IL1RAPL1: variants seen among roughly 807,000 people sequenced by gnomAD.
IL1RAPL1 encodes the protein interleukin-1 receptor accessory protein-like 1.
IL1RAPL1 carries 3 observed loss-of-function variants against 48.4 expected under a neutral mutation model. The ratio of observed to expected loss-of-function variants is 0.06; its 90% CI spans 0.03 to 0.16. IL1RAPL1 has a LOEUF of 0.16. Among genes scored for constraint, IL1RAPL1 ranks in the 10% least tolerant of loss-of-function variants. The pLI is 1.00. For missense variants in IL1RAPL1, 349 were observed against 530.6 expected (o/e 0.66, Z 3.36); for synonymous variants, 185 against 187.7 (o/e 0.99, Z 0.12).
chrX:28,902,902 G>T (rs868280675), intron 2 of IL1RAPL1, among the ~76,000 whole-genome samples: 1 of 110,941 alleles, frequency 9.0e-6, no homozygotes, highest in Non-Finnish European at 1.9e-5. Flanking sequence ...GATTTAGGTT[G>T]TGTGCTTCTT....
intron 3 of IL1RAPL1, among the ~76,000 whole-genome samples, chrX:29,342,158 G>T (rs866959558): frequency 1.0e-5 from 1 of 98,650 alleles, no homozygotes; most frequent in African/African-American, 3.7e-5. Flanking sequence ...GTGTGTGTTT[G>T]TTTTGTTTTG....
intron 2 of IL1RAPL1, among the ~76,000 whole-genome samples, chrX:28,903,690 A>G (rs1048402173): frequency 9.0e-6 from 1 of 110,881 alleles, no homozygotes; most frequent in Non-Finnish European, 1.9e-5. Flanking sequence ...GATATAATAG[A>G]TTATGTTATC....
chrX:29,013,190 T>TA (rs1164539446), intron 2 of IL1RAPL1, among the ~76,000 whole-genome samples: 1 of 65,921 alleles, frequency 1.5e-5, no homozygotes, highest in African/African-American at 7.0e-5. Flanking sequence ...TGGCTATTAT[T>TA]AAAAAGTTAA....
chrX:28,841,041 C>T (rs1921357431), intron 2 of IL1RAPL1, among the ~76,000 whole-genome samples: 1 of 110,659 alleles, frequency 9.0e-6, no homozygotes, highest in Non-Finnish European at 1.9e-5. Flanking sequence ...ATATTTTTTT[C>T]AATATAATAT....
intron 6 of IL1RAPL1, among the ~76,000 whole-genome samples, chrX:29,837,272 A>AAAT (rs1447926305): frequency 1.0e-3 from 75 of 72,090 alleles, no homozygotes; most frequent in East Asian, 2.4e-3. Flanking sequence ...AAAAAAAAAA[A>AAAT]ATATATATAT....
chrX:29,945,920 C>T (rs1351170221), intron 9 of IL1RAPL1, among the ~76,000 whole-genome samples: 1 of 111,095 alleles, frequency 9.0e-6, no homozygotes, highest in Admixed American at 9.6e-5. Flanking sequence ...TTTATTATCT[C>T]CCCTGCATTC....
intron 2 of IL1RAPL1, among the ~76,000 whole-genome samples, chrX:29,144,368 C>G (rs910617492): frequency 9.2e-6 from 1 of 109,271 alleles, no homozygotes. Context: ...TTTGGGAGGC[C>G]GAGGCAGGTG....
At chrX:29,597,012 T>G (rs1263841041) in intron 5 of IL1RAPL1, among the ~76,000 whole-genome samples, 1 of 111,998 alleles carries the variant, frequency 8.9e-6, no homozygotes, top group African/African-American at 3.2e-5. Context: ...TTTTTAATTC[T>G]GTTTATGTGT....
chrX:29,940,169 C>CT (rs1446997816), intron 8 of IL1RAPL1, among the ~76,000 whole-genome samples: 4 of 110,885 alleles, frequency 3.6e-5, no homozygotes, highest in Non-Finnish European at 5.7e-5. Context: ...AGTCTGAGGA[C>CT]TTTTTTTCCT....
At position 29,805,537 on chromosome X, in the gene IL1RAPL1, G is replaced by A. The variant is rs192622059; in HGVS notation, c.779-111927G>A. Among the ~76,000 whole-genome samples the A allele has an allele frequency of 2.0e-3, 220 of 110,967 alleles. 1 individual carries two copies. The highest frequency in any genetic ancestry group is 6.8e-3 in the African/African-American group (209 of 30,589). On this transcript the variant is annotated intron_variant, in intron 6 of 10. Transcript: ENST00000378993. Reference sequence around the variant, plus strand: ...GCCTGAATGAGTCTCTTACCATTGGGAAAACGATCTATATTTAAATTTTTC... The same window carrying A: ...GCCTGAATGAGTCTCTTACCATTGGAAAAACGATCTATATTTAAATTTTTC...
chrX:28,951,804 G>T (rs1288498168), intron 2 of IL1RAPL1, among the ~76,000 whole-genome samples: 1 of 111,723 alleles, frequency 9.0e-6, no homozygotes, highest in Non-Finnish European at 1.9e-5. Context: ...CAGGCTAGAT[G>T]GAAAAGGAAA....
intron 2 of IL1RAPL1, among the ~76,000 whole-genome samples, chrX:28,947,344 A>C (rs1487324857): frequency 1.8e-5 from 2 of 111,812 alleles, no homozygotes; most frequent in African/African-American, 6.5e-5. Flanking sequence ...CAAAGGATAT[A>C]CTGGTTTATT....
At chrX:29,286,845 G>A (rs1346504929) in intron 3 of IL1RAPL1, among the ~76,000 whole-genome samples, 1 of 111,476 alleles carries the variant, frequency 9.0e-6, no homozygotes, top group East Asian at 2.8e-4. Flanking sequence ...ATGGTAGCAT[G>A]CTAAGTTATT....
In IL1RAPL1 at chrX:28,676,003, T is replaced by C. The variant is rs138030838; in HGVS notation, c.-25+87956T>C. Among the ~76,000 whole-genome samples, 725 of 111,669 alleles carry C rather than the reference T, an allele frequency of 6.5e-3. 1 individual carries two copies. The highest frequency in any genetic ancestry group is 0.018 in the African/African-American group (557 of 30,722). On this transcript the variant is annotated intron_variant, in intron 1 of 10. Transcript: ENST00000378993. Reference sequence around the variant, plus strand: ...TATCTTCGTGTCATGTCTTACTACCTTTTGAATCATTGGTAATCATTGTTA... The same window carrying C: ...TATCTTCGTGTCATGTCTTACTACCCTTTGAATCATTGGTAATCATTGTTA...
chrX:29,814,978 T>G (rs1391389911), intron 6 of IL1RAPL1, among the ~76,000 whole-genome samples: 3 of 111,833 alleles, frequency 2.7e-5, no homozygotes, highest in African/African-American at 9.7e-5. Context: ...ATTTTTGTTA[T>G]TGTAGCCTTA....
Position 29,893,868 on chromosome X carries a change from T to C in IL1RAPL1, c.779-23596T>C, listed in dbSNP as rs6628481. On this transcript the variant is annotated intron_variant, in intron 6 of 10. Transcript: ENST00000378993. ...CCTCTACCAACCAATTAATTGCTCATTACTGCATCAACATAAGTGTGAATT... is the reference window on the plus strand; with the variant it reads ...CCTCTACCAACCAATTAATTGCTCACTACTGCATCAACATAAGTGTGAATT... Among the ~76,000 whole-genome samples the C allele has an allele frequency of 2.1e-4, 24 of 111,705 alleles. No individual in the cohort carries two copies. The East Asian group carries it at 5.6e-3, about 26-fold the overall frequency.
chrX:28,590,616 A>G (rs891160377), intron 1 of IL1RAPL1, among the ~76,000 whole-genome samples: 1 of 111,796 alleles, frequency 8.9e-6, no homozygotes, highest in Non-Finnish European at 1.9e-5. Flanking sequence ...TCCTTCCTTC[A>G]GGGGTCAGGG....
At chrX:28,854,467 G>A (rs1921751886) in intron 2 of IL1RAPL1, among the ~76,000 whole-genome samples, 1 of 109,339 alleles carries the variant, frequency 9.1e-6, no homozygotes, top group African/African-American at 3.4e-5. Flanking sequence ...AGGAAGATGT[G>A]AAATATAGGT....
chrX:29,240,225 T>TATATATATATA (rs1491558128), intron 2 of IL1RAPL1, among the ~76,000 whole-genome samples: 5 of 15,925 alleles, frequency 3.1e-4, no homozygotes, highest in African/African-American at 1.7e-3. Context: ...TATATATATA[T>TATATATATATA]TTTTTTTTTT....
Sources: gnomAD v4.1 joint callset for allele counts (sites outside exome capture counted in the v4.1 genomes callset) on GRCh38, gnomAD v4.1.1 for gene constraint, MANE v1.5 for transcripts, NCBI Gene and HGNC (gene_info 2026-07-23, HGNC 2026-07-21) for gene names.